The following PPARA variants were observed in gnomAD, a reference collection of about 807,000 sequenced individuals.
PPARA encodes peroxisome proliferator-activated receptor alpha.
PPARA carries 22 observed loss-of-function variants against 42.2 expected under a neutral mutation model. That is an observed-to-expected ratio of 0.52 (90% CI 0.37 to 0.74). The LOEUF (loss-of-function observed/expected upper bound fraction) is 0.74, where lower values mean the gene tolerates loss of function less well. PPARA is among the 30% of genes least tolerant of loss of function. PPARA has a pLI of 0.00. For synonymous variants in PPARA, 242 were observed against 239.3 expected (o/e 1.01, Z -0.10); for missense variants, 465 against 608.2 (o/e 0.76, Z 2.48).
chr22:46,210,981 T>C (rs1467561935), intron 4 of PPARA, among the ~76,000 whole-genome samples: 2 of 152,156 alleles, frequency 1.3e-5, no homozygotes, highest in African/African-American at 4.8e-5. Flanking sequence ...TGATGCCCCA[T>C]GACTTCAGTG....
In PPARA at chr22:46,227,532, A is replaced by C. The variant is rs1569248636; in HGVS notation, c.712-4260A>C. Among the ~76,000 whole-genome samples the C allele has an allele frequency of 6.6e-6, 1 of 152,184 alleles. No homozygotes were observed. The highest frequency in any genetic ancestry group is 1.5e-5 in the Non-Finnish European group (1 of 68,032). On this transcript the variant is annotated intron_variant, in intron 7 of 8. Transcript: ENST00000407236. The surrounding 1 kb of genome is among the most constrained non-coding windows in gnomAD (Gnocchi z 4.3). The stretch of plus-strand genomic sequence containing the variant: ...CTCCCAAAGTGCTGGCATTGCGGGC[A>C]TGAGCTACTGCGCCTGGTCCACATT...
chr22:46,214,351 A>G (rs1386361764), intron 4 of PPARA, among the ~76,000 whole-genome samples: 1 of 149,420 alleles, frequency 6.7e-6, no homozygotes, highest in Non-Finnish European at 1.5e-5. Context: ...CCAGAGGTGC[A>G]GATCGGAAAT....
chr22:46,241,823 A>G lies in PPARA; in HGVS notation c.*6443A>G, dbSNP rs1936377632. 6.6e-6 allele frequency: 1 copy of G among 150,866 alleles called. No homozygotes were observed. Among genetic ancestry groups the G allele is most frequent in the Non-Finnish European group, 1.5e-5 (1 of 67,814 alleles). The allele number at this position is 150,866 out of a possible 1,614,324, so 9.3% of individuals were successfully genotyped here. A position where few individuals can be genotyped will look rare whatever the true frequency, so the allele number is the denominator to read the frequency against. ...CAACAAAAACAGACCAACAGACCAG[A>G]TGGTGTCCATGTTCAATATCATGTC... On this transcript the variant is annotated 3_prime_UTR_variant, in exon 9 of 9. Coordinates refer to ENST00000407236, the MANE Select transcript of PPARA (RefSeq NM_005036.6). The surrounding 1 kb of genome is among the most constrained non-coding windows in gnomAD (Gnocchi z 5.7).
chr22:46,172,724 G>A (rs1928295426), intron 2 of PPARA, among the ~76,000 whole-genome samples: 1 of 152,184 alleles, frequency 6.6e-6, no homozygotes, highest in South Asian at 2.1e-4. Flanking sequence ...GGTCACATCG[G>A]GACCTGTTGG....
In PPARA at chr22:46,165,512, G is replaced by A. The variant is rs999417297; in HGVS notation, c.-126-11241G>A. Among the ~76,000 whole-genome samples the A allele has an allele frequency of 2.6e-5, 4 of 152,232 alleles. No individual in the cohort carries two copies. The highest frequency in any genetic ancestry group is 4.8e-5 in the African/African-American group (2 of 41,462). On this transcript the variant is annotated intron_variant, in intron 2 of 8. Coordinates refer to ENST00000407236, the MANE Select transcript of PPARA (RefSeq NM_005036.6). This position sits in a 1 kb window ranked among gnomAD's most constrained non-coding sequence, Gnocchi z 5.5. ...TTTGGGGCCATTGTGTCCCTGGGGTGTTGGCCAATTTATGAAAGAAGCAGT... is the reference window on the plus strand; with the variant it reads ...TTTGGGGCCATTGTGTCCCTGGGGTATTGGCCAATTTATGAAAGAAGCAGT...
intron 5 of PPARA, 54 bp from the exon 6 acceptor site, chr22:46,218,209 C>T (rs897693171): frequency 2.5e-5 from 40 of 1,605,302 alleles, no homozygotes; most frequent in East Asian, 1.3e-4. Flanking sequence ...AAAGCAAGTG[C>T]GCTGGTTTCT....
chr22:46,194,303 G>T (rs576671769), intron 3 of PPARA, among the ~76,000 whole-genome samples: 1 of 152,302 alleles, frequency 6.6e-6, no homozygotes, highest in East Asian at 1.9e-4. Flanking sequence ...CAAGACCAAT[G>T]TTTCTGTAAA....
rs565236366 is a variant in PPARA at position 46,221,659 on chromosome 22, C to T, written c.711+1645C>T. Among the ~76,000 whole-genome samples, 2 of 152,142 alleles carry T rather than the reference C, an allele frequency of 1.3e-5. No homozygotes were observed. Among genetic ancestry groups the T allele is most frequent in the African/African-American group, 2.4e-5 (1 of 41,518 alleles). ...CTAAAAATACAAAAAATTAGCCGGGCGTGGTGGCGGGCGCCTGTAGTCTCA... is the reference window on the plus strand; with the variant it reads ...CTAAAAATACAAAAAATTAGCCGGGTGTGGTGGCGGGCGCCTGTAGTCTCA... On this transcript the variant is annotated intron_variant, in intron 7 of 8. Coordinates refer to ENST00000407236, the MANE Select transcript of PPARA (RefSeq NM_005036.6). The surrounding 1 kb of genome is among the most constrained non-coding windows in gnomAD (Gnocchi z 5.9).
At chr22:46,175,510 G>A (rs902118335) in intron 2 of PPARA, among the ~76,000 whole-genome samples, 1 of 151,644 alleles carries the variant, frequency 6.6e-6, no homozygotes, top group Non-Finnish European at 1.5e-5. Context: ...TCAGGAGATC[G>A]AGACCATCCT....
chr22:46,175,354 C>T (rs1928866612), intron 2 of PPARA, among the ~76,000 whole-genome samples: 1 of 152,178 alleles, frequency 6.6e-6, no homozygotes, highest in Non-Finnish European at 1.5e-5. Flanking sequence ...CCACTTCTCT[C>T]CTACCTTCCC....
At chr22:46,213,453 G>C (rs960363265) in intron 4 of PPARA, among the ~76,000 whole-genome samples, 12 of 150,138 alleles carry the variant, frequency 8.0e-5, no homozygotes, top group African/African-American at 2.7e-4. Context: ...CTGTCGCCAG[G>C]CTGGAGTGCA....
intron 4 of PPARA, among the ~76,000 whole-genome samples, chr22:46,210,010 G>T (rs1307584651): frequency 6.6e-6 from 1 of 152,112 alleles, no homozygotes; most frequent in Non-Finnish European, 1.5e-5. Context: ...CTCCCAACGT[G>T]TTGGGATTAC....
chr22:46,170,386 C>T (rs1927810575), intron 2 of PPARA, among the ~76,000 whole-genome samples: 1 of 145,314 alleles, frequency 6.9e-6, no homozygotes, highest in African/African-American at 2.5e-5. Flanking sequence ...CAGGTGTGTA[C>T]CACCACACCC....
Position 46,184,836 on chromosome 22 carries a change from C to T in PPARA, c.-43+8000C>T, listed in dbSNP as rs1291258443. Reference sequence around the variant, plus strand: ...TGTCACTGCACTCCAGCCTACGCGACAGAGCAAGACTCCGTCTCAAAAAAC... The same window carrying T: ...TGTCACTGCACTCCAGCCTACGCGATAGAGCAAGACTCCGTCTCAAAAAAC... On this transcript the variant is annotated intron_variant, in intron 3 of 8. Coordinates refer to ENST00000407236, the MANE Select transcript of PPARA (RefSeq NM_005036.6). The surrounding 1 kb of genome is among the most constrained non-coding windows in gnomAD (Gnocchi z 4.4). 6.6e-6 allele frequency among the ~76,000 whole-genome samples: 1 copy of T among 152,198 alleles called. No homozygotes were observed. Among genetic ancestry groups the T allele is most frequent in the Non-Finnish European group, 1.5e-5 (1 of 68,050 alleles).
At chr22:46,154,600 GA>G (rs1924971192) in intron 2 of PPARA, among the ~76,000 whole-genome samples, 3 of 152,098 alleles carry the variant, frequency 2.0e-5, no homozygotes, top group Admixed American at 2.0e-4. Flanking sequence ...CTGGGTGACA[GA>G]GTGAGACCTG....
chr22:46,181,265 G>A (rs1490437337), intron 3 of PPARA, among the ~76,000 whole-genome samples: 2 of 152,166 alleles, frequency 1.3e-5, no homozygotes, highest in African/African-American at 4.8e-5. Flanking sequence ...GGAGGGCCGT[G>A]ATGTGGGGAG....
chr22:46,217,678 G>A (rs887738824), intron 5 of PPARA, among the ~76,000 whole-genome samples: 1 of 152,052 alleles, frequency 6.6e-6, no homozygotes, highest in Non-Finnish European at 1.5e-5. Context: ...CTATAATTGT[G>A]TTTTCCCAAG....
At chr22:46,159,744 A>T (rs918229484) in intron 2 of PPARA, among the ~76,000 whole-genome samples, 1 of 152,238 alleles carries the variant, frequency 6.6e-6, no homozygotes, top group African/African-American at 2.4e-5. Flanking sequence ...GGAGAGGGCT[A>T]TCCTGGGAAG....
In PPARA at chr22:46,204,607, C is replaced by T. The variant is rs1933046928; in HGVS notation, c.208+6016C>T. ...CTCACTGTGGTGATTTTTATTTGCA[C>T]TTCCCTGGTGATTTTGAGCATCTTT... is the stretch of plus-strand genomic sequence containing the variant. On this transcript the variant is annotated intron_variant, in intron 4 of 8. Coordinates refer to ENST00000407236, the MANE Select transcript of PPARA (RefSeq NM_005036.6). This position sits in a 1 kb window ranked among gnomAD's most constrained non-coding sequence, Gnocchi z 5.2. Among the ~76,000 whole-genome samples, 1 of 152,118 alleles carries T rather than the reference C, an allele frequency of 6.6e-6. No individual in the cohort carries two copies. Among genetic ancestry groups the T allele is most frequent in the Admixed American group, 6.6e-5 (1 of 15,258 alleles).
Sources: gnomAD v4.1 joint callset for allele counts (sites outside exome capture counted in the v4.1 genomes callset) on GRCh38, gnomAD v4.1.1 for gene constraint, Gnocchi (gnomAD v3.1) non-coding constraint, MANE v1.5 for transcripts, NCBI Gene and HGNC (gene_info 2026-07-23, HGNC 2026-07-21) for gene names.